The following PLXNA4 variants were observed in gnomAD, a reference collection of about 807,000 sequenced individuals.
PLXNA4 encodes plexin A4.
Under a neutral mutation model 191.8 loss-of-function variants are expected in PLXNA4, and 44 were observed. That is an observed-to-expected ratio of 0.23 (90% CI 0.18 to 0.29). PLXNA4 has a LOEUF of 0.29. Among genes scored for constraint, PLXNA4 ranks in the 10% least tolerant of loss-of-function variants. The probability of loss-of-function intolerance (pLI) is 1.00; values close to 1 mark genes in which losing one functional copy is unlikely to be tolerated. For synonymous variants in PLXNA4, 1,082 were observed against 1,009.5 expected (o/e 1.07, Z -1.36); for missense variants, 1,800 against 2,488.8 (o/e 0.72, Z 5.89).
At chr7:132,321,111 T>C (rs1045037104) in intron 3 of PLXNA4, among the ~76,000 whole-genome samples, 18 of 152,230 alleles carry the variant, frequency 1.2e-4, no homozygotes, top group African/African-American at 3.6e-4. Flanking sequence ...ACTGTTTTTC[T>C]CCGGCTGCCT....
At chr7:132,628,566 TC>T (rs1803429688) in intron 2 of PLXNA4, among the ~76,000 whole-genome samples, 1 of 152,008 alleles carries the variant, frequency 6.6e-6, no homozygotes, top group African/African-American at 2.4e-5. Flanking sequence ...TCTCTCTCTC[TC>T]CCTCATTTCC....
At chr7:132,530,172 G>A (rs1313235394) in intron 1 of PLXNA4, among the ~76,000 whole-genome samples, 1 of 152,162 alleles carries the variant, frequency 6.6e-6, no homozygotes, top group African/African-American at 2.4e-5. Context: ...GGGCCATGAG[G>A]AAACTTCTAG....
At chr7:132,137,631 G>T (rs1795150785) in intron 30 of PLXNA4, among the ~76,000 whole-genome samples, 1 of 152,076 alleles carries the variant, frequency 6.6e-6, no homozygotes, top group South Asian at 2.1e-4. Flanking sequence ...AATGAATACT[G>T]GGAATCCACA....
chr7:132,509,006 A>G (rs1798602412), intron 1 of PLXNA4, among the ~76,000 whole-genome samples: 2 of 82,054 alleles, frequency 2.4e-5, no homozygotes, highest in African/African-American at 4.7e-5. Flanking sequence ...GGTGGTGATG[A>G]TAATGACATG....
At chr7:132,400,621 A>G (rs1044046316) in intron 3 of PLXNA4, among the ~76,000 whole-genome samples, 5 of 152,158 alleles carry the variant, frequency 3.3e-5, no homozygotes, top group African/African-American at 1.2e-4. Context: ...AAAACACATG[A>G]GAACACTCCC....
intron 3 of PLXNA4, among the ~76,000 whole-genome samples, chr7:132,464,056 C>T (rs1481717107): frequency 6.6e-6 from 1 of 152,192 alleles, no homozygotes; most frequent in Non-Finnish European, 1.5e-5. Context: ...GGAGAGCTTA[C>T]CTCTGAATTG....
At chr7:132,523,073 C>A (rs901223923) in intron 1 of PLXNA4, among the ~76,000 whole-genome samples, 1 of 151,850 alleles carries the variant, frequency 6.6e-6, no homozygotes, top group Admixed American at 6.6e-5. Flanking sequence ...CATTCGTTCA[C>A]CAACACTTAT....
chr7:132,156,988 G>A (rs77674858), intron 25 of PLXNA4, among the ~76,000 whole-genome samples: 1 of 152,212 alleles, frequency 6.6e-6, no homozygotes, highest in African/African-American at 2.4e-5. Flanking sequence ...GAGCAGCTCA[G>A]TGTGATGCCC....
At chr7:132,321,644 G>T (rs1040085891) in intron 3 of PLXNA4, among the ~76,000 whole-genome samples, 8 of 152,214 alleles carry the variant, frequency 5.3e-5, no homozygotes, top group African/African-American at 1.7e-4. Context: ...CCTGCAGGAG[G>T]CAGACAGCCA....
intron 3 of PLXNA4, among the ~76,000 whole-genome samples, chr7:132,474,289 T>C (rs1797044040): frequency 6.7e-6 from 1 of 149,670 alleles, no homozygotes; most frequent in Non-Finnish European, 1.5e-5. Context: ...CTAGGGCGTT[T>C]GGGAAAGACA....
intron 3 of PLXNA4, among the ~76,000 whole-genome samples, chr7:132,314,938 C>T (rs1255945992): frequency 6.6e-6 from 1 of 152,210 alleles, no homozygotes; most frequent in East Asian, 1.9e-4. Context: ...TATTTCCTCT[C>T]CTCCAATGGA....
chr7:132,556,532 C>G (rs1458454863), intron 1 of PLXNA4, among the ~76,000 whole-genome samples: 1 of 152,256 alleles, frequency 6.6e-6, no homozygotes, highest in African/African-American at 2.4e-5. Context: ...AATGAGTCCC[C>G]ACATAATCTG....
At chr7:132,262,850 T>C (rs1269657407) in intron 4 of PLXNA4, among the ~76,000 whole-genome samples, 3 of 152,018 alleles carry the variant, frequency 2.0e-5, no homozygotes, top group Admixed American at 6.6e-5. Context: ...AGAGACCACT[T>C]GTCGTTCATG....
chr7:132,420,786 G>A (rs767963166), intron 3 of PLXNA4, among the ~76,000 whole-genome samples: 4 of 152,100 alleles, frequency 2.6e-5, no homozygotes, highest in Non-Finnish European at 5.9e-5. Flanking sequence ...TGCTGTTCTC[G>A]TGACAGTGAA....
chr7:132,439,269 G>C (rs951692376), intron 3 of PLXNA4, among the ~76,000 whole-genome samples: 1 of 152,112 alleles, frequency 6.6e-6, no homozygotes, highest in Non-Finnish European at 1.5e-5. Flanking sequence ...ATAGAGTCCC[G>C]CCCCGGCCAA....
intron 30 of PLXNA4, among the ~76,000 whole-genome samples, chr7:132,135,010 G>A (rs1196046967): frequency 6.6e-6 from 1 of 152,126 alleles, no homozygotes; most frequent in Non-Finnish European, 1.5e-5. Flanking sequence ...TTGATTCATT[G>A]TAACCATTTC....
At chr7:132,171,827 T>C (rs1796296615) in intron 21 of PLXNA4, among the ~76,000 whole-genome samples, 1 of 152,142 alleles carries the variant, frequency 6.6e-6, no homozygotes, top group South Asian at 2.1e-4. Flanking sequence ...GCCTCGTCTG[T>C]AAAATGAGAA....
At chr7:132,410,748 C>A (rs1794424574) in intron 3 of PLXNA4, among the ~76,000 whole-genome samples, 1 of 152,194 alleles carries the variant, frequency 6.6e-6, no homozygotes, top group South Asian at 2.1e-4. Flanking sequence ...ATCGTTTATG[C>A]TTTTACTCAT....
intron 1 of PLXNA4, among the ~76,000 whole-genome samples, chr7:132,545,882 G>C (rs937702502): frequency 6.6e-6 from 1 of 152,208 alleles, no homozygotes; most frequent in Non-Finnish European, 1.5e-5. Context: ...AGGTGGCTGG[G>C]TGTATTCCTG....
Sources: allele counts gnomAD v4.1 joint callset (sites outside exome capture counted in the v4.1 genomes callset), GRCh38; gene constraint gnomAD v4.1.1; transcripts MANE v1.5; gene names NCBI Gene and HGNC (gene_info 2026-07-23, HGNC 2026-07-21).